Variants in FGF12 observed in about 807,000 individuals in gnomAD.
The protein encoded by FGF12 is fibroblast growth factor 12.
FGF12 carries 14 observed loss-of-function variants against 23.6 expected under a neutral mutation model. The ratio of observed to expected loss-of-function variants is 0.59; its 90% CI spans 0.39 to 0.93. The LOEUF (loss-of-function observed/expected upper bound fraction) is 0.93, where lower values mean the gene tolerates loss of function less well. FGF12 is among the 40% of genes least tolerant of loss of function. The probability of loss-of-function intolerance (pLI) is 0.00; values close to 1 mark genes in which losing one functional copy is unlikely to be tolerated. For missense variants in FGF12, 175 were observed against 217.8 expected (o/e 0.80, Z 1.24); for synonymous variants, 62 against 77.3 (o/e 0.80, Z 1.04).
chr3:192,666,171 T>C (rs1385663882), intron 2 of FGF12, among the ~76,000 whole-genome samples: 1 of 152,206 alleles, frequency 6.6e-6, no homozygotes, highest in African/African-American at 2.4e-5. Flanking sequence ...GTCATTTAAT[T>C]TTAAATACCT....
At chr3:192,241,478 T>C (rs1445021301) in intron 4 of FGF12, among the ~76,000 whole-genome samples, 3 of 152,082 alleles carry the variant, frequency 2.0e-5, no homozygotes, top group African/African-American at 7.2e-5. Context: ...AAAAGCAGTA[T>C]AAAGAAAAAC....
intron 2 of FGF12, among the ~76,000 whole-genome samples, chr3:192,602,989 C>T (rs191044803): frequency 1.3e-3 from 202 of 152,150 alleles, no homozygotes; most frequent in African/African-American, 4.7e-3. Context: ...TTAACATCCC[C>T]TCATGATAAA....
At chr3:192,300,015 T>C (rs1715251483) in intron 4 of FGF12, among the ~76,000 whole-genome samples, 1 of 152,202 alleles carries the variant, frequency 6.6e-6, no homozygotes. Flanking sequence ...ATGCTCCACC[T>C]GTCCCACTGG....
intron 2 of FGF12, among the ~76,000 whole-genome samples, chr3:192,601,468 G>A (rs1714111923): frequency 6.6e-6 from 1 of 152,162 alleles, no homozygotes; most frequent in East Asian, 1.9e-4. Flanking sequence ...AATGATAAAT[G>A]TTTGAGATAA....
chr3:192,280,532 C>T (rs544835240), intron 4 of FGF12, among the ~76,000 whole-genome samples: 18 of 152,262 alleles, frequency 1.2e-4, no homozygotes, highest in Admixed American at 7.9e-4. Flanking sequence ...AATCTCAAGT[C>T]GCTGAGCAGA....
At chr3:192,570,354 T>A (rs1297582163) in intron 2 of FGF12, among the ~76,000 whole-genome samples, 1 of 152,178 alleles carries the variant, frequency 6.6e-6, no homozygotes, top group Non-Finnish European at 1.5e-5. Flanking sequence ...AAAAAAGATT[T>A]TAGTTACAGA....
At chr3:192,652,859 T>G (rs9834961) in intron 2 of FGF12, among the ~76,000 whole-genome samples, 88,067 of 152,062 alleles carry the variant, frequency 0.58, 25,867 homozygotes, top group East Asian at 0.67. Context: ...CTTTGTATGC[T>G]CATGTAAGAG....
intron 5 of FGF12, among the ~76,000 whole-genome samples, chr3:192,145,798 CAAGT>C (rs1276970593): frequency 2.0e-5 from 3 of 152,312 alleles, no homozygotes; most frequent in East Asian, 3.9e-4. Context: ...TCAAATGACA[CAAGT>C]AAGTCATTCA....
At chr3:192,361,153 G>A (rs1312680688) in intron 2 of FGF12, among the ~76,000 whole-genome samples, 3 of 87,764 alleles carry the variant, frequency 3.4e-5, no homozygotes, top group East Asian at 7.9e-4. Context: ...GTGTTCCAAA[G>A]TTCATTTCTC....
At chr3:192,270,159 T>C (rs1211541408) in intron 4 of FGF12, among the ~76,000 whole-genome samples, 2 of 152,184 alleles carry the variant, frequency 1.3e-5, no homozygotes, top group Non-Finnish European at 2.9e-5. Context: ...GCCTTTTTGC[T>C]CTGATGACCA....
chr3:192,374,729 T>C (rs1719397025), intron 2 of FGF12, among the ~76,000 whole-genome samples: 1 of 152,124 alleles, frequency 6.6e-6, no homozygotes, highest in African/African-American at 2.4e-5. Context: ...AAGGTGCAAG[T>C]GAAGTGACTG....
At chr3:192,679,087 T>C (rs1057475538) in intron 2 of FGF12, among the ~76,000 whole-genome samples, 4 of 152,264 alleles carry the variant, frequency 2.6e-5, no homozygotes, top group African/African-American at 9.6e-5. Context: ...ATAGGAAGTA[T>C]TTTAAGCGAA....
intron 2 of FGF12, among the ~76,000 whole-genome samples, chr3:192,636,958 T>C (rs910526982): frequency 2.8e-4 from 42 of 152,044 alleles, no homozygotes; most frequent in African/African-American, 9.4e-4. Flanking sequence ...AGGGAGGTGA[T>C]AGGAAGCCAA....
At chr3:192,718,423 A>G (rs1225780585) in intron 2 of FGF12, among the ~76,000 whole-genome samples, 1 of 152,130 alleles carries the variant, frequency 6.6e-6, no homozygotes, top group Non-Finnish European at 1.5e-5. Flanking sequence ...AACAGAATGT[A>G]TCCACTGTAG....
At chr3:192,677,853 G>A (rs1056821386) in intron 2 of FGF12, among the ~76,000 whole-genome samples, 1 of 152,148 alleles carries the variant, frequency 6.6e-6, no homozygotes, top group South Asian at 2.1e-4. Flanking sequence ...TCTGGGGCAG[G>A]CTGACTGAGA....
chr3:192,582,617 A>C (rs1446734049), intron 2 of FGF12, among the ~76,000 whole-genome samples: 1 of 152,132 alleles, frequency 6.6e-6, no homozygotes, highest in Non-Finnish European at 1.5e-5. Context: ...TTTGAAACTA[A>C]GTAGAATTTC....
chr3:192,481,391 T>C (rs113707265), intron 2 of FGF12, among the ~76,000 whole-genome samples: 5,403 of 152,306 alleles, frequency 0.035, 123 homozygotes, highest in Non-Finnish European at 0.052. Context: ...TCAGATTCCA[T>C]TGGGTAGCAG....
At chr3:192,565,759 A>G (rs2108598172) in intron 2 of FGF12, among the ~76,000 whole-genome samples, 1 of 152,288 alleles carries the variant, frequency 6.6e-6, no homozygotes, top group Admixed American at 6.5e-5. Context: ...CTACCTAACA[A>G]TGAATTTCTC....
chr3:192,494,025 T>C (rs1177994571), intron 2 of FGF12, among the ~76,000 whole-genome samples: 1 of 152,170 alleles, frequency 6.6e-6, no homozygotes, highest in Non-Finnish European at 1.5e-5. Flanking sequence ...TACCTAGAGA[T>C]TTATCTAAAC....
Sources: allele counts gnomAD v4.1 joint callset (sites outside exome capture counted in the v4.1 genomes callset), GRCh38; gene constraint gnomAD v4.1.1; transcripts MANE v1.5; gene names NCBI Gene and HGNC (gene_info 2026-07-23, HGNC 2026-07-21).